The following KCNN2 variants were observed in gnomAD, a reference collection of about 807,000 sequenced individuals.
The protein encoded by KCNN2 is potassium calcium-activated channel subfamily N member 2.
Under a neutral mutation model 55.5 loss-of-function variants are expected in KCNN2, and 24 were observed. The ratio of observed to expected loss-of-function variants is 0.43; its 90% CI spans 0.31 to 0.61. The LOEUF (loss-of-function observed/expected upper bound fraction) is 0.61, where lower values mean the gene tolerates loss of function less well. Among genes scored for constraint, KCNN2 ranks in the 20% least tolerant of loss-of-function variants. The pLI is 0.08. For synonymous variants in KCNN2, 431 were observed against 336.1 expected, an observed-to-expected ratio of 1.28 and a Z score of -3.09; for missense variants, 754 against 853.6, an observed-to-expected ratio of 0.88 and a Z score of 1.45.
chr5:114,412,906 T>C (rs1203145142), intron 3 of KCNN2, among the ~76,000 whole-genome samples: 1 of 152,262 alleles, frequency 6.6e-6, no homozygotes, highest in East Asian at 1.9e-4. Context: ...GATTATTTCC[T>C]ACCACTTGAA....
intron 2 of KCNN2, among the ~76,000 whole-genome samples, chr5:114,397,272 G>C (rs1289471594): frequency 6.6e-6 from 1 of 152,154 alleles, no homozygotes; most frequent in East Asian, 1.9e-4. Flanking sequence ...TGGTAATTCT[G>C]TTTTAAGTTC....
In KCNN2 at chr5:114,321,565, A is replaced by G. The variant is rs139796447; in HGVS notation, c.-184-39380A>G. ...AGGGTAAATTCCAATGTTCTCAACCATGAAAAATCCTTCATTGTTTCCTCT... is the reference window on the plus strand; with the variant it reads ...AGGGTAAATTCCAATGTTCTCAACCGTGAAAAATCCTTCATTGTTTCCTCT... On this transcript the variant is annotated intron_variant, in intron 2 of 10. Transcript: ENST00000512097. Among the ~76,000 whole-genome samples, 320 of 152,314 alleles carry G rather than the reference A, an allele frequency of 2.1e-3. 4 individuals are homozygous for G. Among genetic ancestry groups the G allele is most frequent in the African/African-American group, 6.5e-3 (272 of 41,558 alleles).
At chr5:114,364,022 T>C in intron 2 of KCNN2, 21 bp downstream of exon 2, 4 of 1,561,944 alleles carry the variant, frequency 2.6e-6, no homozygotes, top group Non-Finnish European at 3.5e-6. Context: ...TCCTGCTGTT[T>C]ATGAATGACC....
At chr5:114,292,397 G>A (rs1298289324) in intron 2 of KCNN2, among the ~76,000 whole-genome samples, 6 of 152,132 alleles carry the variant, frequency 3.9e-5, no homozygotes, top group Non-Finnish European at 5.9e-5. Flanking sequence ...TCCAGTTTCA[G>A]CTTTCTACAT....
intron 2 of KCNN2, among the ~76,000 whole-genome samples, chr5:114,382,426 T>C (rs1041095172): frequency 9.8e-5 from 15 of 152,336 alleles, no homozygotes; most frequent in Admixed American, 2.6e-4. Flanking sequence ...AATTGTTCGA[T>C]GTGTATATAT....
chr5:114,271,485 C>A (rs1475675079), intron 2 of KCNN2, among the ~76,000 whole-genome samples: 1 of 152,110 alleles, frequency 6.6e-6, no homozygotes, highest in Non-Finnish European at 1.5e-5. Context: ...ACTTGAAAAA[C>A]ACAGAAAAGC....
intron 2 of KCNN2, among the ~76,000 whole-genome samples, chr5:114,273,979 T>C (rs879443033): frequency 1.3e-5 from 2 of 150,300 alleles, no homozygotes; most frequent in Admixed American, 6.6e-5. Flanking sequence ...TTAGAACTTA[T>C]GTTTAAGTCT....
At chr5:114,068,754 A>T (rs1001799599) in intron 1 of KCNN2, among the ~76,000 whole-genome samples, 2 of 152,176 alleles carry the variant, frequency 1.3e-5, no homozygotes, top group African/African-American at 2.4e-5. Context: ...GACAGTGGTC[A>T]AATTGCTTGC....
intron 6 of KCNN2, among the ~76,000 whole-genome samples, chr5:114,489,594 G>A (rs1747749352): frequency 6.6e-6 from 1 of 152,110 alleles, no homozygotes; most frequent in Non-Finnish European, 1.5e-5. Flanking sequence ...GGGGTTACCG[G>A]GTTTCCATTA....
intron 7 of KCNN2, among the ~76,000 whole-genome samples, chr5:114,495,299 G>C (rs966955072): frequency 3.3e-5 from 5 of 152,076 alleles, no homozygotes; most frequent in Non-Finnish European, 7.4e-5. Flanking sequence ...AATTCCATTT[G>C]ACCCAATGGA....
chr5:114,188,689 TG>T (rs1753387421), intron 1 of KCNN2, among the ~76,000 whole-genome samples: 1 of 151,710 alleles, frequency 6.6e-6, no homozygotes, highest in African/African-American at 2.4e-5. Flanking sequence ...AAAAATGAAA[TG>T]GTAAGATAAA....
chr5:114,207,629 C>G (rs761102416), intron 1 of KCNN2, among the ~76,000 whole-genome samples: 6 of 152,050 alleles, frequency 3.9e-5, no homozygotes, highest in African/African-American at 7.2e-5. Context: ...GAATTTTTTT[C>G]TTGTCCTTGA....
intron 2 of KCNN2, among the ~76,000 whole-genome samples, chr5:114,373,846 A>T (rs1446651333): frequency 1.3e-5 from 2 of 150,026 alleles, no homozygotes; most frequent in African/African-American, 4.9e-5. Flanking sequence ...GGAAAAAAAA[A>T]GTGGCCATTC....
At chr5:114,461,356 T>C (rs933721816) in intron 3 of KCNN2, among the ~76,000 whole-genome samples, 46 of 152,236 alleles carry the variant, frequency 3.0e-4, no homozygotes, top group African/African-American at 1.1e-3. Context: ...GGAGGTTGTT[T>C]AGGGGTGAGG....
At position 114,331,055 on chromosome 5, in the gene KCNN2, A is replaced by G. The variant is rs148784720; in HGVS notation, c.-184-29890A>G. ...TACTCTAGTGGATCATTTGTTCTCCATCACCGGTTGAAGTGCTACAGAGCC... is the reference window on the plus strand; with the variant it reads ...TACTCTAGTGGATCATTTGTTCTCCGTCACCGGTTGAAGTGCTACAGAGCC... On this transcript the variant is annotated intron_variant, in intron 2 of 10. Coordinates refer to the KCNN2 transcript ENST00000512097. 3.0e-3 allele frequency among the ~76,000 whole-genome samples: 456 copies of G among 152,290 alleles called. 1 individual carries two copies. The highest frequency in any genetic ancestry group is 5.0e-3 in the Non-Finnish European group (341 of 68,020).
intron 1 of KCNN2, among the ~76,000 whole-genome samples, chr5:114,072,710 G>T (rs1580484732): frequency 6.6e-6 from 1 of 152,088 alleles, no homozygotes; most frequent in Non-Finnish European, 1.5e-5. Context: ...TAAACCGCTT[G>T]GGTTCCAATC....
At chr5:114,134,888 A>C (rs1752143471) in intron 1 of KCNN2, among the ~76,000 whole-genome samples, 1 of 152,234 alleles carries the variant, frequency 6.6e-6, no homozygotes, top group South Asian at 2.1e-4. Flanking sequence ...GGGTAGCTCT[A>C]TTCCAAAATA....
intron 2 of KCNN2, among the ~76,000 whole-genome samples, chr5:114,349,999 A>G (rs543218164): frequency 6.6e-5 from 10 of 152,102 alleles, no homozygotes; most frequent in South Asian, 2.1e-4. Flanking sequence ...TTAGTGGCCA[A>G]TGATGTAGTG....
intron 2 of KCNN2, among the ~76,000 whole-genome samples, chr5:114,388,370 A>G (rs939832825): frequency 6.6e-6 from 1 of 152,140 alleles, no homozygotes; most frequent in Non-Finnish European, 1.5e-5. Context: ...GCAAATATGT[A>G]TATTTAACAG....
Sources: gnomAD v4.1 joint callset for allele counts (sites outside exome capture counted in the v4.1 genomes callset) on GRCh38, gnomAD v4.1.1 for gene constraint, MANE v1.5 for transcripts, NCBI Gene and HGNC (gene_info 2026-07-23, HGNC 2026-07-21) for gene names.